The following CYP46A1 variants were observed in gnomAD, a reference collection of about 807,000 sequenced individuals.
CYP46A1 encodes cytochrome P450 family 46 subfamily A member 1.
CYP46A1 carries 20 observed loss-of-function variants against 63.3 expected under a neutral mutation model. The observed-to-expected ratio is 0.32, with a 90% CI of 0.22 to 0.46. The LOEUF (loss-of-function observed/expected upper bound fraction) is 0.46, where lower values mean the gene tolerates loss of function less well. CYP46A1 is among the 20% of genes least tolerant of loss of function. The pLI, the probability that CYP46A1 is intolerant of heterozygous loss-of-function variation, is 1.00. For missense variants in CYP46A1, 445 were observed against 670.8 expected (o/e 0.66, Z 3.72); for synonymous variants, 268 against 273.6 (o/e 0.98, Z 0.20).
At chr14:99,690,954 G>A (rs2140113021) in intron 1 of CYP46A1, 127 bp from the exon 2 acceptor site, 1 of 835,268 alleles carries the variant, frequency 1.2e-6, no homozygotes, top group South Asian at 1.6e-5. Context: ...CCCTGAGCCA[G>A]TGCTGTAACC....
At chr14:99,716,756 A>G (rs1595202570) in intron 9 of CYP46A1, among the ~76,000 whole-genome samples, 1 of 152,240 alleles carries the variant, frequency 6.6e-6, no homozygotes, top group Non-Finnish European at 1.5e-5. Flanking sequence ...TCCCCACCAG[A>G]CTTGATGAGC....
chr14:99,715,609 C>T (rs2056780955), intron 7 of CYP46A1, among the ~76,000 whole-genome samples: 1 of 152,186 alleles, frequency 6.6e-6, no homozygotes, highest in African/African-American at 2.4e-5. Flanking sequence ...GGATTTGGTG[C>T]AGGAAAGGGA....
At position 99,715,865 on chromosome 14, in the gene CYP46A1, T is replaced by G; in HGVS notation, c.749T>G (p.Leu250Arg). 1 of 1,614,080 alleles carries G rather than the reference T, an allele frequency of 6.2e-7. No individual in the cohort carries two copies. Reference protein sequence around the residue: ...LREVRESIRFLRQVGRDWVQR... With the variant: ...LREVRESIRFRRQVGRDWVQR... Reference sequence around the variant, plus strand: ...GAGGTCCGGGAGAGCATTCGCTTCCTGCGCCAGGTGGGCAGGGACTGGGTC... The same window carrying G: ...GAGGTCCGGGAGAGCATTCGCTTCCGGCGCCAGGTGGGCAGGGACTGGGTC... The change falls in exon 8 of 15, where the codon CTG (leucine) becomes CGG (arginine). Residue 250 changes from leucine (L) to arginine (R), a missense_variant. Physicochemically the swap from Leu to Arg is moderately radical, Grantham distance 102. Coordinates refer to ENST00000261835, the MANE Select transcript of CYP46A1 (RefSeq NM_006668.2).
chr14:99,721,850 C>T lies in CYP46A1; in HGVS notation c.1066-106C>T, dbSNP rs1012821403. 87 of 859,644 alleles carry T rather than the reference C, an allele frequency of 1.0e-4. No homozygotes were observed. The African/African-American group carries it at 1.4e-3, about 13-fold the overall frequency. 53.3% of individuals were successfully genotyped at this position (859,644 alleles called of 1,614,324 possible). A position where few individuals can be genotyped will look rare whatever the true frequency, so the allele number is the denominator to read the frequency against. ...ACCCAGGCCAGGGTGAGGGTATGCA[C>T]TCAGCCTGTGGGTGGGAAAGACAGG... On this transcript the variant is annotated intron_variant, in intron 11 of 14. Transcript: ENST00000261835.
intron 10 of CYP46A1, among the ~76,000 whole-genome samples, chr14:99,719,525 G>A (rs763606590): frequency 6.6e-6 from 1 of 151,540 alleles, no homozygotes; most frequent in Admixed American, 6.6e-5. Flanking sequence ...CCTGGCCTCC[G>A]TCTCCAGACC....
In CYP46A1 at chr14:99,705,666, C is replaced by T. The variant is rs533507697; in HGVS notation, c.444-981C>T. Among the ~76,000 whole-genome samples, 32 of 152,344 alleles carry T rather than the reference C, an allele frequency of 2.1e-4. 1 individual carries two copies. The highest frequency in any genetic ancestry group is 7.2e-4 in the African/African-American group (30 of 41,572). ...CTAGGTCCGGGTGCAGTGGCTCACA[C>T]CTGTAATCCCAGCACTTTGGGAGGC... On this transcript the variant is annotated intron_variant, in intron 5 of 14. Transcript: ENST00000261835.
At chr14:99,696,945 A>C (rs1207177509) in intron 3 of CYP46A1, among the ~76,000 whole-genome samples, 1 of 152,206 alleles carries the variant, frequency 6.6e-6, no homozygotes, top group Admixed American at 6.5e-5. Flanking sequence ...AGTCTAGAGT[A>C]GACTTTTACT....
chr14:99,705,414 G>A (rs987854452), intron 5 of CYP46A1, among the ~76,000 whole-genome samples: 2 of 152,050 alleles, frequency 1.3e-5, no homozygotes, highest in African/African-American at 4.8e-5. Flanking sequence ...GTCTTGCTGT[G>A]TTGTCCAGGC....
chr14:99,694,287 TTTTC>T (rs1443597485), intron 3 of CYP46A1, among the ~76,000 whole-genome samples: 2 of 86,622 alleles, frequency 2.3e-5, no homozygotes, highest in African/African-American at 6.7e-5. Flanking sequence ...GTTCATGAGA[TTTTC>T]TTTCTTTTTT....
rs2056858859 is a variant in CYP46A1 at position 99,722,673 on chromosome 14, G to C, written c.1176+607G>C. Among the ~76,000 whole-genome samples, 1 of 151,662 alleles carries C rather than the reference G, an allele frequency of 6.6e-6. No individual in the cohort carries two copies. Among genetic ancestry groups the C allele is most frequent in the Non-Finnish European group, 1.5e-5 (1 of 67,968 alleles). ...TGTGTGTGTGTGTGTGTGTGTGTGT[G>C]TGTGTGCCTGTGTGCATTCACGCAG... is the stretch of plus-strand genomic sequence containing the variant. On this transcript the variant is annotated intron_variant, in intron 12 of 14. Transcript: ENST00000261835. The surrounding 1 kb of genome is among the most constrained non-coding windows in gnomAD (Gnocchi z 4.6).
chr14:99,697,230 C>A (rs1365541818), intron 3 of CYP46A1, among the ~76,000 whole-genome samples: 3 of 152,242 alleles, frequency 2.0e-5, no homozygotes, highest in Admixed American at 2.0e-4. Flanking sequence ...CGTAGGAGCT[C>A]TTTCCATGCA....
rs1210179040 is a variant in CYP46A1, at chr14:99,685,093, CCCCCA to C, written c.119+562_119+566del. ...ACACCCCCCTCAACTTGCCAACCCC[CCCCCA>C]CCCCCAGCTTAGCTTTGTGAAGCTT... On this transcript the variant is annotated intron_variant, in intron 1 of 14. Coordinates refer to ENST00000261835, the MANE Select transcript of CYP46A1 (RefSeq NM_006668.2). Among the ~76,000 whole-genome samples, 46 of 35,436 alleles carry C rather than the reference CCCCCA, an allele frequency of 1.3e-3. 3 individuals carry two copies. The highest frequency in any genetic ancestry group is 3.1e-3 in the African/African-American group (35 of 11,118). 23.2% of individuals were successfully genotyped at this position (35,436 alleles called of 152,430 possible).
At chr14:99,724,321 GCCC>G (rs1045159749) in intron 12 of CYP46A1, among the ~76,000 whole-genome samples, 8 of 152,232 alleles carry the variant, frequency 5.3e-5, no homozygotes, top group African/African-American at 1.9e-4. Context: ...CCTGCTCCCA[GCCC>G]CTCTCCTCCC....
intron 5 of CYP46A1, among the ~76,000 whole-genome samples, chr14:99,704,140 A>AT (rs2056654972): frequency 1.3e-5 from 2 of 152,126 alleles, no homozygotes; most frequent in African/African-American, 2.4e-5. Flanking sequence ...AGACATTTTT[A>AT]TTTTTTTAAC....
chr14:99,703,956 C>A, intron 5 of CYP46A1: 1 of 859,060 alleles, frequency 1.2e-6, no homozygotes, highest in Non-Finnish European at 1.4e-6. Flanking sequence ...GCCAGGGTTG[C>A]AAAGGCCAGC....
intron 7 of CYP46A1, chr14:99,711,513 C>T (rs779878039): frequency 1.3e-4 from 20 of 151,880 alleles, no homozygotes; most frequent in Non-Finnish European, 2.7e-4. Context: ...TATACACTAA[C>T]GATTGGAAAA....
chr14:99,685,083 T>G (rs1250758035), intron 1 of CYP46A1, among the ~76,000 whole-genome samples: 5 of 10,570 alleles, frequency 4.7e-4, no homozygotes, highest in Admixed American at 1.7e-3. Context: ...CCCCTCAACT[T>G]GCCAACCCCC....
In CYP46A1 at chr14:99,727,031, A is replaced by C; in HGVS notation, c.*304A>C. The C allele has an allele frequency of 7.7e-5, 25 of 326,302 alleles. No individual in the cohort carries two copies. Among genetic ancestry groups the C allele is most frequent in the East Asian group, 9.5e-5 (2 of 21,138 alleles). The allele number at this position is 326,302 out of a possible 1,614,324, so 20.2% of individuals were successfully genotyped here. A position where few individuals can be genotyped will look rare whatever the true frequency, so the allele number is the denominator to read the frequency against. On this transcript the variant is annotated 3_prime_UTR_variant, in exon 15 of 15. Transcript: ENST00000261835. ...CACCCTAACTCTTGCTCACTCCCTA[A>C]AGCCCTCTTCAGGGGTCACCTCCTC...
At position 99,718,118 on chromosome 14, in the gene CYP46A1, CG is replaced by C; in HGVS notation, c.973del (p.Val325TrpfsTer37). ...TGGAGCTGTCTCGCCAGCCAGAGAT[CG>C]TGGCAAGGTATGGGGGCTGCTCTTG... ...VMELSRQPEI[V>X]ARLQAEVDEV... On this transcript the variant is annotated frameshift_variant, in exon 10 of 15. Transcript: ENST00000261835. LOFTEE classifies it high-confidence loss of function. The C allele has an allele frequency of 6.2e-7, 1 of 1,614,084 alleles. No homozygotes were observed. The highest frequency in any genetic ancestry group is 8.5e-7 in the Non-Finnish European group (1 of 1,179,936).
Sources: allele counts gnomAD v4.1 joint callset (sites outside exome capture counted in the v4.1 genomes callset), GRCh38; gene constraint gnomAD v4.1.1; non-coding constraint Gnocchi (gnomAD v3.1); transcripts MANE v1.5; gene names NCBI Gene and HGNC (gene_info 2026-07-23, HGNC 2026-07-21).